SH3TC1: variants seen among roughly 807,000 people sequenced by gnomAD.
SH3TC1 encodes SH3 domain and tetratricopeptide repeats 1.
A neutral mutation model predicts 117.3 loss-of-function variants in SH3TC1; 135 were observed. The ratio of observed to expected loss-of-function variants is 1.15; its 90% CI spans 1.00 to 1.33. The LOEUF (loss-of-function observed/expected upper bound fraction) is 1.33. Ranked by LOEUF, SH3TC1 falls within the 40% of genes most tolerant of loss-of-function variation. The pLI is 0.00. For missense variants in SH3TC1, 2,092 were observed against 1,794.3 expected (o/e 1.17, Z -3.00); for synonymous variants, 898 against 816.9 (o/e 1.10, Z -1.69).
chr4:8,233,220 C>T lies in SH3TC1; in HGVS notation c.3132-143C>T, dbSNP rs532840744. 4.9e-6 allele frequency: 7 copies of T among 1,420,044 alleles called. No homozygotes were observed. In the African/African-American group the frequency reaches 1.0e-4, roughly 20 times the overall value. 88.0% of individuals were successfully genotyped at this position (1,420,044 alleles called of 1,614,324 possible). ...GTGTTCAACCCCACCCTCTCAGCAG[C>T]CCGGGAAGGGCAGGACACTGCACAC... On this transcript the variant is annotated intron_variant, in intron 13 of 17. Transcript: ENST00000245105.
In SH3TC1 at chr4:8,210,941, G is replaced by T. The variant is rs537906177; in HGVS notation, c.247+1119G>T. Among the ~76,000 whole-genome samples the T allele has an allele frequency of 1.8e-4, 27 of 151,718 alleles. No individual in the cohort carries two copies. In the South Asian group the frequency reaches 4.8e-3, roughly 27 times the overall value. ...CCTAGCAGAAAACTCTCAGGCAGGT[G>T]CTTTAAGCTTATTCAAAGGTGTGAG... On this transcript the variant is annotated intron_variant, in intron 3 of 17. Coordinates refer to ENST00000245105, the MANE Select transcript of SH3TC1 (RefSeq NM_018986.5). The surrounding 1 kb of genome is among the most constrained non-coding windows in gnomAD (Gnocchi z 4.1).
At position 8,227,720 on chromosome 4, in the gene SH3TC1, G is replaced by C; in HGVS notation, c.2026G>C (p.Val676Leu). Residue 676 changes from valine to leucine, a missense_variant, in exon 12 of 18, where the codon GTG becomes CTG. Val to Leu is a conservative substitution (Grantham distance 32). Coordinates refer to ENST00000245105, the MANE Select transcript of SH3TC1 (RefSeq NM_018986.5). ...RACFLLARHHVHLKQPEEALP... is the reference protein window; with the variant it reads ...RACFLLARHHLHLKQPEEALP... ...CTGCTTCCTGCTGGCCAGGCACCACGTGCACCTCAAGCAGCCCGAGGAGGC... is the reference window on the plus strand; with the variant it reads ...CTGCTTCCTGCTGGCCAGGCACCACCTGCACCTCAAGCAGCCCGAGGAGGC... 1 of 1,584,664 alleles carries C rather than the reference G, an allele frequency of 6.3e-7. No homozygotes were observed. Among genetic ancestry groups the C allele is most frequent in the Non-Finnish European group, 8.6e-7 (1 of 1,162,812 alleles).
At chr4:8,238,719 C>T (rs1449623111) in intron 17 of SH3TC1, among the ~76,000 whole-genome samples, 1 of 152,190 alleles carries the variant, frequency 6.6e-6, no homozygotes, top group Non-Finnish European at 1.5e-5. Flanking sequence ...ACGCTGCTCA[C>T]TGCTCAGGGG....
At chr4:8,235,753 C>A in intron 15 of SH3TC1, 198 bp downstream of exon 15, 1 of 650,322 alleles carries the variant, frequency 1.5e-6, no homozygotes, top group Non-Finnish European at 2.3e-6. Flanking sequence ...CTGGACACAG[C>A]AATGGCCTTA....
chr4:8,204,201 G>A (rs752460670), intron 1 of SH3TC1, among the ~76,000 whole-genome samples: 3 of 152,222 alleles, frequency 2.0e-5, no homozygotes, highest in Non-Finnish European at 4.4e-5. Context: ...CAAGCCAGGA[G>A]CAAGGGGACG....
chr4:8,240,879 A>G lies in SH3TC1; in HGVS notation c.3935A>G (p.Asn1312Ser). The change falls in exon 18 of 18, where the codon AAC becomes AGC. Residue 1312 changes from asparagine (N) to serine (S), a missense_variant. Physicochemically the swap from Asn to Ser is conservative, Grantham distance 46. Transcript: ENST00000245105. ...QKARTFATELNVRRVNLPPLP... is the reference protein window; with the variant it reads ...QKARTFATELSVRRVNLPPLP... ...GCCAGGACCTTCGCCACAGAGCTCA[A>G]CGTCCGCAGGGTCAACCTGCCTCCT... The G allele has an allele frequency of 1.9e-6, 3 of 1,613,538 alleles. No individual in the cohort carries two copies. The highest frequency in any genetic ancestry group is 2.5e-6 in the Non-Finnish European group (3 of 1,180,026).
chr4:8,205,852 C>T lies in SH3TC1; in HGVS notation c.172+486C>T, dbSNP rs1718161371. 1 of 586,628 alleles carries T rather than the reference C, an allele frequency of 1.7e-6. No individual in the cohort carries two copies. Among genetic ancestry groups the T allele is most frequent in the Non-Finnish European group, 3.0e-6 (1 of 329,074 alleles). The allele number at this position is 586,628 out of a possible 1,614,324, so 36.3% of individuals were successfully genotyped here. On this transcript the variant is annotated intron_variant, in intron 2 of 17. Coordinates refer to ENST00000245105, the MANE Select transcript of SH3TC1 (RefSeq NM_018986.5). This position sits in a 1 kb window ranked among gnomAD's most constrained non-coding sequence, Gnocchi z 5.4. ...ATTCCCGGGAGACCTGAAGAGTGAC[C>T]TAGGTGATCTCCAGGATCCCCTCTT...
At chr4:8,235,761 T>A in intron 15 of SH3TC1, 1 of 587,476 alleles carries the variant, frequency 1.7e-6, no homozygotes, top group Non-Finnish European at 2.7e-6. Flanking sequence ...AGCAATGGCC[T>A]TACCCTTGCA....
chr4:8,218,019 G>A (rs907858096), intron 7 of SH3TC1, among the ~76,000 whole-genome samples: 2 of 152,180 alleles, frequency 1.3e-5, no homozygotes, highest in Non-Finnish European at 2.9e-5. Context: ...CAGGGGTGGC[G>A]GTGTTTCCAG....
Position 8,205,167 on chromosome 4 carries a change from G to T in SH3TC1, c.-28G>T, listed in dbSNP as rs1027017488. The T allele has an allele frequency of 2.0e-6, 3 of 1,483,934 alleles. No individual in the cohort carries two copies. The highest frequency in any genetic ancestry group is 2.8e-5 in the African/African-American group (2 of 70,854). The allele number at this position is 1,483,934 out of a possible 1,614,324, so 91.9% of individuals were successfully genotyped here. On this transcript the variant is annotated splice_region_variant and 5_prime_UTR_variant, in exon 2 of 18. Transcript: ENST00000245105. This position sits in a 1 kb window ranked among gnomAD's most constrained non-coding sequence, Gnocchi z 5.4. ...CTGACCACACCCCCTCTGTCCACAGGGCCAGGCATGTGAGGTCTCTGCGGG... is the reference window on the plus strand; with the variant it reads ...CTGACCACACCCCCTCTGTCCACAGTGCCAGGCATGTGAGGTCTCTGCGGG...
chr4:8,234,816 T>C (rs1721660197), intron 14 of SH3TC1, among the ~76,000 whole-genome samples: 1 of 152,192 alleles, frequency 6.6e-6, no homozygotes, highest in South Asian at 2.1e-4. Flanking sequence ...TAATGTGGCC[T>C]CTCAGTTAAC....
At chr4:8,202,780 T>C (rs527380352) in intron 1 of SH3TC1, among the ~76,000 whole-genome samples, 1 of 152,292 alleles carries the variant, frequency 6.6e-6, no homozygotes, top group East Asian at 1.9e-4. Flanking sequence ...TAGGGGACCC[T>C]CTCTATGCCT....
At chr4:8,232,323 G>T (rs1451017003) in intron 13 of SH3TC1, 167 bp downstream of exon 13, 49 of 1,508,790 alleles carry the variant, frequency 3.2e-5, no homozygotes, top group Non-Finnish European at 4.2e-5. Flanking sequence ...TTGTCCCAGG[G>T]CTGCTGATGA....
chr4:8,196,191 A>G (rs1219142600), upstream of SH3TC1, among the ~76,000 whole-genome samples: 1 of 152,132 alleles, frequency 6.6e-6, no homozygotes, highest in African/African-American at 2.4e-5. The surrounding 1 kb of genome is among the most constrained non-coding windows in gnomAD (Gnocchi z 4.6). Flanking sequence ...CTTTACGATG[A>G]CTCAGGGCCT....
chr4:8,233,109 G>A, intron 13 of SH3TC1: 3 of 1,334,116 alleles, frequency 2.2e-6, no homozygotes, highest in Non-Finnish European at 2.9e-6. Flanking sequence ...ACGCGGGGGA[G>A]ATGGACTAGC....
chr4:8,197,041 A>C (rs921504209), upstream of SH3TC1, among the ~76,000 whole-genome samples: 7 of 152,148 alleles, frequency 4.6e-5, no homozygotes, highest in African/African-American at 1.7e-4. Context: ...TTGCAGATAT[A>C]ATTTCCTTAA....
chr4:8,205,128 A>T lies in SH3TC1; in HGVS notation c.-28-39A>T. 7.0e-7 allele frequency: 1 copy of T among 1,429,524 alleles called. No individual in the cohort carries two copies. Among genetic ancestry groups the T allele is most frequent in the Non-Finnish European group, 9.2e-7 (1 of 1,084,622 alleles). 88.6% of individuals were successfully genotyped at this position (1,429,524 alleles called of 1,614,324 possible). ...GACACAACCTCCGTGCTGGTTCTGG[A>T]GGGGCCACCTCTCCTGACCACACCC... On this transcript the variant is annotated intron_variant, in intron 1 of 17. Coordinates refer to ENST00000245105, the MANE Select transcript of SH3TC1 (RefSeq NM_018986.5). This position sits in a 1 kb window ranked among gnomAD's most constrained non-coding sequence, Gnocchi z 5.4.
chr4:8,225,198 G>A lies in SH3TC1; in HGVS notation c.1267G>A (p.Glu423Lys), dbSNP rs780278479. The A allele has an allele frequency of 3.8e-5, 61 of 1,613,654 alleles. No individual in the cohort carries two copies. The highest frequency in any genetic ancestry group is 2.5e-4 in the East Asian group (11 of 44,892). Residue 423 changes from glutamate to lysine, a missense_variant, in exon 11 of 18, where the codon GAG becomes AAG. Physicochemically the swap from Glu to Lys is moderately conservative, Grantham distance 56. Transcript: ENST00000245105. This position sits in a 1 kb window ranked among gnomAD's most constrained non-coding sequence, Gnocchi z 5.5. ...AGACTCAGTAGAGGAAGCTGAGACCGAGCAGCCGCAGGAAAAAGGTGGGTT... is the reference window on the plus strand; with the variant it reads ...AGACTCAGTAGAGGAAGCTGAGACCAAGCAGCCGCAGGAAAAAGGTGGGTT... ...SLDSVEEAET[E>K]QPQEKEIPPP...
At chr4:8,234,468 A>G (rs1223948205) in intron 14 of SH3TC1, among the ~76,000 whole-genome samples, 2 of 124,314 alleles carry the variant, frequency 1.6e-5, no homozygotes, top group African/African-American at 6.2e-5. Flanking sequence ...TACACACATC[A>G]TTCAACCCAT....
Sources: allele counts gnomAD v4.1 joint callset (sites outside exome capture counted in the v4.1 genomes callset), GRCh38; gene constraint gnomAD v4.1.1; non-coding constraint Gnocchi (gnomAD v3.1); transcripts MANE v1.5; gene names NCBI Gene and HGNC (gene_info 2026-07-23, HGNC 2026-07-21).